KCNH7: variants seen among roughly 807,000 people sequenced by gnomAD.
The protein encoded by KCNH7 is potassium voltage-gated channel subfamily H member 7, also known as voltage-gated inwardly rectifying potassium channel KCNH7.
A neutral mutation model predicts 120.8 loss-of-function variants in KCNH7; 49 were observed. That is an observed-to-expected ratio of 0.41 (90% CI 0.32 to 0.51). KCNH7 has a LOEUF of 0.51. Among genes scored for constraint, KCNH7 ranks in the 20% least tolerant of loss-of-function variants. KCNH7 has a pLI of 0.38. For synonymous variants in KCNH7, 547 were observed against 516.1 expected (o/e 1.06, Z -0.81); for missense variants, 1,097 against 1,446.6 (o/e 0.76, Z 3.92).
At chr2:162,675,451 C>A (rs1238071514) in intron 2 of KCNH7, among the ~76,000 whole-genome samples, 1 of 151,180 alleles carries the variant, frequency 6.6e-6, no homozygotes. Context: ...TTTGGAACAG[C>A]AAAAAGAAAA....
intron 2 of KCNH7, among the ~76,000 whole-genome samples, chr2:162,733,878 T>G (rs1006325787): frequency 1.3e-5 from 2 of 152,166 alleles, no homozygotes; most frequent in Non-Finnish European, 2.9e-5. Flanking sequence ...TCATCTAGAG[T>G]AAATTGAATG....
chr2:162,563,093 T>C (rs1362859772), intron 2 of KCNH7, among the ~76,000 whole-genome samples: 1 of 152,202 alleles, frequency 6.6e-6, no homozygotes, highest in African/African-American at 2.4e-5. Flanking sequence ...AAGTGAAAGA[T>C]GGCACATTCA....
rs76201093 is a variant in KCNH7, at chr2:162,783,259, C to G, written c.307+53278G>C. 2.0e-3 allele frequency among the ~76,000 whole-genome samples: 303 copies of G among 152,224 alleles called. 7 individuals carry two copies. The East Asian group carries it at 0.028, about 14-fold the overall frequency. ...TAATAGTTGGGCTTCATTTTCATGTCCCCTTCCACAGTTGTGTAAGATATA... is the reference window on the plus strand; with the variant it reads ...TAATAGTTGGGCTTCATTTTCATGTGCCCTTCCACAGTTGTGTAAGATATA... On this transcript the variant is annotated intron_variant, in intron 2 of 15. Coordinates refer to ENST00000332142, the MANE Select transcript of KCNH7 (RefSeq NM_033272.4).
chr2:162,526,623 G>A (rs1038732478), intron 3 of KCNH7, among the ~76,000 whole-genome samples: 4 of 151,938 alleles, frequency 2.6e-5, no homozygotes, highest in African/African-American at 4.8e-5. Flanking sequence ...GCTCTGTTCC[G>A]CCTGGCTCAC....
Position 162,827,696 on chromosome 2 carries a change from G to C in KCNH7, c.307+8841C>G, listed in dbSNP as rs115544459. The stretch of plus-strand genomic sequence containing the variant: ...CAGAATAGAGTAGGTTGAGGTTTAA[G>C]AGGTGTATCATTTGGAGGCAATGTG... On this transcript the variant is annotated intron_variant, in intron 2 of 15. Coordinates refer to ENST00000332142, the MANE Select transcript of KCNH7 (RefSeq NM_033272.4). 4.4e-3 allele frequency among the ~76,000 whole-genome samples: 665 copies of C among 152,282 alleles called. 7 individuals carry two copies. Among genetic ancestry groups the C allele is most frequent in the African/African-American group, 0.015 (620 of 41,560 alleles).
At chr2:162,482,495 A>C (rs1490139441) in intron 6 of KCNH7, among the ~76,000 whole-genome samples, 1 of 152,104 alleles carries the variant, frequency 6.6e-6, no homozygotes, top group East Asian at 1.9e-4. Context: ...GGATATATTA[A>C]AGCGAGTTCA....
chr2:162,624,336 C>T lies in KCNH7; in HGVS notation c.308-87256G>A, dbSNP rs1435066373. Among the ~76,000 whole-genome samples the T allele has an allele frequency of 2.0e-5, 3 of 152,236 alleles. 1 individual carries two copies. Among genetic ancestry groups the T allele is most frequent in the Middle Eastern group, 6.8e-3 (2 of 292 alleles). ...AGTATAGATGGTGTTCAGGCCTATC[C>T]ACAGTTTCATGCATCCACTAAAAGT... On this transcript the variant is annotated intron_variant, in intron 2 of 15. Transcript: ENST00000332142.
intron 2 of KCNH7, among the ~76,000 whole-genome samples, chr2:162,635,327 T>C (rs747200542): frequency 2.0e-4 from 30 of 152,054 alleles, no homozygotes; most frequent in Non-Finnish European, 3.4e-4. Flanking sequence ...GTTGCCATTC[T>C]TGGGAATAAT....
chr2:162,453,906 G>T (rs192147187), intron 6 of KCNH7, among the ~76,000 whole-genome samples: 24 of 152,216 alleles, frequency 1.6e-4, no homozygotes, highest in Admixed American at 1.3e-3. Context: ...TCTGTAGGCT[G>T]CCTGTTCAGC....
At position 162,384,893 on chromosome 2, in the gene KCNH7, A is replaced by G; in HGVS notation, c.2757T>C (p.His919=). ...DPEDSADTIR[H]YQSSKRHFEE... ...CAAAGTGTCTCTTGGAACTCTGATAATGTCTTATGGTATCTGCAGAGTCTT... is the reference window on the plus strand; with the variant it reads ...CAAAGTGTCTCTTGGAACTCTGATAGTGTCTTATGGTATCTGCAGAGTCTT... The change falls in exon 13 of 16, where the codon CAT becomes CAC. Residue 919 remains histidine (H), a synonymous_variant. Transcript: ENST00000332142. 1.2e-6 allele frequency: 2 copies of G among 1,612,276 alleles called. No homozygotes were observed. Among genetic ancestry groups the G allele is most frequent in the Non-Finnish European group, 1.7e-6 (2 of 1,178,698 alleles).
chr2:162,485,342 G>A (rs568674279), intron 6 of KCNH7, among the ~76,000 whole-genome samples: 2 of 152,146 alleles, frequency 1.3e-5, no homozygotes, highest in Non-Finnish European at 2.9e-5. Context: ...ATATAAAAAT[G>A]TGATAATAAT....
chr2:162,628,963 A>G (rs1466817246), intron 2 of KCNH7, among the ~76,000 whole-genome samples: 1 of 152,116 alleles, frequency 6.6e-6, no homozygotes. Context: ...GGGGCAAGGC[A>G]TAAGGGCAGT....
At chr2:162,617,010 G>A (rs1179919029) in intron 2 of KCNH7, among the ~76,000 whole-genome samples, 1 of 151,708 alleles carries the variant, frequency 6.6e-6, no homozygotes, top group Non-Finnish European at 1.5e-5. Context: ...ATGGCTCAGA[G>A]TCTACATACA....
At chr2:162,716,191 ATCT>A (rs1260245108) in intron 2 of KCNH7, among the ~76,000 whole-genome samples, 5 of 152,286 alleles carry the variant, frequency 3.3e-5, no homozygotes, top group African/African-American at 1.2e-4. Flanking sequence ...ATCAAAAGAA[ATCT>A]TCTCAAAGTT....
At chr2:162,621,337 C>T (rs1683351082) in intron 2 of KCNH7, among the ~76,000 whole-genome samples, 1 of 140,800 alleles carries the variant, frequency 7.1e-6, no homozygotes, top group Non-Finnish European at 1.5e-5. Flanking sequence ...CATGCCCCTG[C>T]CGGCAAATGA....
intron 2 of KCNH7, among the ~76,000 whole-genome samples, chr2:162,750,222 G>A (rs1282091730): frequency 6.6e-6 from 1 of 152,052 alleles, no homozygotes; most frequent in Admixed American, 6.6e-5. Context: ...ATGGATTAAT[G>A]AGTTACAGAG....
chr2:162,391,475 A>G (rs1686743815), intron 12 of KCNH7, among the ~76,000 whole-genome samples: 1 of 152,058 alleles, frequency 6.6e-6, no homozygotes, highest in African/African-American at 2.4e-5. Context: ...ACTGGAGTTA[A>G]TTGTGTTTTC....
chr2:162,496,643 C>A (rs1332307240), intron 6 of KCNH7, among the ~76,000 whole-genome samples: 1 of 152,098 alleles, frequency 6.6e-6, no homozygotes, highest in Non-Finnish European at 1.5e-5. Context: ...AGAACCCAGA[C>A]CTAGCTGAGC....
chr2:162,415,464 G>A (rs1243768290), intron 9 of KCNH7, among the ~76,000 whole-genome samples: 1 of 152,118 alleles, frequency 6.6e-6, no homozygotes, highest in Non-Finnish European at 1.5e-5. Context: ...TTAGGGTGTT[G>A]TCTGTAAGTG....
Sources: allele counts gnomAD v4.1 joint callset (sites outside exome capture counted in the v4.1 genomes callset), GRCh38; gene constraint gnomAD v4.1.1; transcripts MANE v1.5; gene names NCBI Gene and HGNC (gene_info 2026-07-23, HGNC 2026-07-21).